Variants in INHBC observed in about 807,000 individuals in gnomAD.
The protein encoded by INHBC is inhibin subunit beta C.
A neutral mutation model predicts 12.4 loss-of-function variants in INHBC; 10 were observed. That is an observed-to-expected ratio of 0.81 (90% confidence interval 0.50 to 1.37). The LOEUF is 1.37. Among genes scored for constraint, INHBC ranks in the 40% most tolerant of loss-of-function variants. The probability of loss-of-function intolerance (pLI) is 0.00; values close to 1 mark genes in which losing one functional copy is unlikely to be tolerated. For missense variants in INHBC, 382 were observed against 439.4 expected (o/e 0.87, Z 1.17); for synonymous variants, 147 against 171.6 (o/e 0.86, Z 1.12).
intron 1 of INHBC, among the ~76,000 whole-genome samples, chr12:57,446,494 T>G (rs1870581892): frequency 6.7e-6 from 1 of 149,576 alleles, no homozygotes; most frequent in African/African-American, 2.5e-5. Flanking sequence ...ATTTATTTAT[T>G]TATTTATTTA....
In INHBC at chr12:57,450,039, G is replaced by T. The variant is rs1870679829; in HGVS notation, c.*17G>T. 6.7e-7 allele frequency: 1 copy of T among 1,496,846 alleles called. No homozygotes were observed. 92.7% of individuals were successfully genotyped at this position (1,496,846 alleles called of 1,614,324 possible). ...TGCAGTTAGTCTATGTGTGGTATGG[G>T]CAGCCCAAGGTTGCATGGGAAAACA... On this transcript the variant is annotated 3_prime_UTR_variant, in exon 2 of 2. Transcript: ENST00000309668.
chr12:57,434,883 A>G lies in INHBC; in HGVS notation c.-4A>G. On this transcript the variant is annotated 5_prime_UTR_variant, in exon 1 of 2. Coordinates refer to ENST00000309668, the MANE Select transcript of INHBC (RefSeq NM_005538.4). Reference sequence around the variant, plus strand: ...GTATTGCTCAAGAAGGGCCTTCCCCAGCAATGACCTCCTCATTGCTTCTGG... The same window carrying G: ...GTATTGCTCAAGAAGGGCCTTCCCCGGCAATGACCTCCTCATTGCTTCTGG... 1 of 1,605,692 alleles carries G rather than the reference A, an allele frequency of 6.2e-7. No homozygotes were observed.
intron 1 of INHBC, among the ~76,000 whole-genome samples, chr12:57,448,092 A>C (rs909002802): frequency 1.3e-5 from 2 of 151,278 alleles, no homozygotes; most frequent in African/African-American, 4.9e-5. Flanking sequence ...GATTACAGGC[A>C]TGCACTACTC....
rs748900976 is a variant in INHBC, at chr12:57,449,395, C to T, written c.432C>T (p.Thr144=). 1.2e-6 allele frequency: 2 copies of T among 1,614,070 alleles called. No homozygotes were observed. Among genetic ancestry groups the T allele is most frequent in the Admixed American group, 1.7e-5 (1 of 60,004 alleles). The change falls in exon 2 of 2, where the codon ACC becomes ACT. Residue 144 remains threonine, a synonymous_variant. Transcript: ENST00000309668. ...TCTTTGTGCAGCTCCCTTCCAATAC[C>T]ACTTGGACCTTGAAAGTGAGAGTCC... ...LMFFVQLPSN[T]TWTLKVRVLV... is the part of the protein sequence containing the mutation.
intron 1 of INHBC, among the ~76,000 whole-genome samples, chr12:57,436,303 T>C (rs1870335833): frequency 6.6e-6 from 1 of 151,280 alleles, no homozygotes; most frequent in Non-Finnish European, 1.5e-5. Flanking sequence ...TAGCTGGGAC[T>C]ACAGGCGTGT....
Position 57,449,331 on chromosome 12 carries a change from C to T in INHBC, c.368C>T (p.Thr123Ile). Residue 123 changes from threonine (T) to isoleucine (I), a missense_variant, in exon 2 of 2, where the codon ACT (threonine) becomes ATT (isoleucine). By Grantham distance (89) the Thr-to-Ile change is moderately conservative. Coordinates refer to ENST00000309668, the MANE Select transcript of INHBC (RefSeq NM_005538.4). ...RLDFHFSSDR[T>I]AGDREVQQAS... ...GATTTTCACTTCTCCTCTGATAGAA[C>T]TGCTGGTGACAGGGAGGTCCAGCAG... is the stretch of plus-strand genomic sequence containing the variant. The T allele has an allele frequency of 6.2e-7, 1 of 1,614,212 alleles. No individual in the cohort carries two copies. The highest frequency in any genetic ancestry group is 8.5e-7 in the Non-Finnish European group (1 of 1,180,022).
At chr12:57,445,249 G>C (rs964093832) in intron 1 of INHBC, among the ~76,000 whole-genome samples, 1 of 152,146 alleles carries the variant, frequency 6.6e-6, no homozygotes, top group African/African-American at 2.4e-5. Flanking sequence ...AAGAGCAAGG[G>C]GAAGACTTTG....
chr12:57,447,786 C>T (rs1416510574), intron 1 of INHBC, among the ~76,000 whole-genome samples: 3 of 132,988 alleles, frequency 2.3e-5, no homozygotes, highest in South Asian at 2.6e-4. Context: ...TGCTTGAACC[C>T]GAGAGGCAGC....
Position 57,434,925 on chromosome 12 carries a change from T to C in INHBC, c.39T>C (p.Ala13=). Residue 13 remains alanine, a synonymous_variant, in exon 1 of 2, where the codon GCT becomes GCC. Coordinates refer to ENST00000309668, the MANE Select transcript of INHBC (RefSeq NM_005538.4). ...SSLLLAFLLL[A]PTTVATPRAG... ...TGCTTCTGGCCTTTCTCCTCCTGGC[T>C]CCAACCACAGTGGCCACTCCCAGAG... is the stretch of plus-strand genomic sequence containing the variant. 1 of 1,613,956 alleles carries C rather than the reference T, an allele frequency of 6.2e-7. No individual in the cohort carries two copies. Among genetic ancestry groups the C allele is most frequent in the Non-Finnish European group, 8.5e-7 (1 of 1,179,856 alleles).
chr12:57,438,051 G>A (rs1028688472), intron 1 of INHBC, among the ~76,000 whole-genome samples: 5 of 152,098 alleles, frequency 3.3e-5, no homozygotes, highest in Admixed American at 6.6e-5. Flanking sequence ...CTCCCAAAGT[G>A]CCAGGATTAC....
intron 1 of INHBC, among the ~76,000 whole-genome samples, chr12:57,445,594 T>G (rs1466133457): frequency 6.6e-6 from 1 of 152,084 alleles, no homozygotes; most frequent in Non-Finnish European, 1.5e-5. Context: ...TAGACTTCCT[T>G]GTACAGGATT....
chr12:57,436,143 C>G (rs1870331638), intron 1 of INHBC, among the ~76,000 whole-genome samples: 1 of 149,812 alleles, frequency 6.7e-6, no homozygotes, highest in Non-Finnish European at 1.5e-5. Context: ...CCGCGCCCGG[C>G]AACCCTGTCT....
At chr12:57,435,305 C>T in intron 1 of INHBC, 106 bp downstream of exon 1, 1 of 1,061,374 alleles carries the variant, frequency 9.4e-7, no homozygotes, top group Non-Finnish European at 1.3e-6. Context: ...ACCATCCAAC[C>T]CCTGCTTCCC....
intron 1 of INHBC, among the ~76,000 whole-genome samples, chr12:57,446,428 T>C (rs899415212): frequency 6.6e-6 from 1 of 151,856 alleles, no homozygotes; most frequent in African/African-American, 2.4e-5. Context: ...GGAGAGGGTA[T>C]AGATAGTGAA....
At chr12:57,447,542 G>A (rs1284527761) in intron 1 of INHBC, among the ~76,000 whole-genome samples, 3 of 151,372 alleles carry the variant, frequency 2.0e-5, no homozygotes, top group Non-Finnish European at 4.4e-5. Flanking sequence ...TGAAGAGGGG[G>A]TATATAGGAA....
intron 1 of INHBC, among the ~76,000 whole-genome samples, chr12:57,444,210 AAG>A (rs1352224823): frequency 2.6e-5 from 4 of 152,104 alleles, no homozygotes; most frequent in Non-Finnish European, 4.4e-5. Context: ...GCAGGGAAGA[AAG>A]AGGGGTAGGA....
intron 1 of INHBC, among the ~76,000 whole-genome samples, chr12:57,442,465 G>A (rs1352984215): frequency 6.6e-6 from 1 of 152,156 alleles, no homozygotes; most frequent in Admixed American, 6.6e-5. Flanking sequence ...AAGATTAGTT[G>A]GGCCAGTCAG....
chr12:57,439,446 C>A (rs1005669414), intron 1 of INHBC, among the ~76,000 whole-genome samples: 1 of 152,162 alleles, frequency 6.6e-6, no homozygotes, highest in Non-Finnish European at 1.5e-5. Context: ...TTGGCCTCTA[C>A]CTGCTGAGGT....
At position 57,449,552 on chromosome 12, in the gene INHBC, C is replaced by G; in HGVS notation, c.589C>G (p.Leu197Val). The G allele has an allele frequency of 3.7e-6, 6 of 1,614,230 alleles. No individual in the cohort carries two copies. The highest frequency in any genetic ancestry group is 1.1e-5 in the South Asian group (1 of 91,084). ...QAACSQGHLT[L>V]ELVLEGQVAQ... ...TGCCTGCAGCCAGGGGCACCTGACC[C>G]TGGAGCTGGTACTTGAAGGCCAGGT... The change falls in exon 2 of 2, where the codon CTG (leucine) becomes GTG (valine). Residue 197 changes from leucine to valine, a missense_variant. Leu to Val is a conservative substitution (Grantham distance 32, BLOSUM62 1). Transcript: ENST00000309668.
Sources: gnomAD v4.1 joint callset for allele counts (sites outside exome capture counted in the v4.1 genomes callset) on GRCh38, gnomAD v4.1.1 for gene constraint, MANE v1.5 for transcripts, NCBI Gene and HGNC (gene_info 2026-07-23, HGNC 2026-07-21) for gene names.